Variants in PRMT9 observed in about 807,000 individuals in gnomAD.
The protein encoded by PRMT9 is protein arginine N-methyltransferase 9.
Under a neutral mutation model 83.2 loss-of-function variants are expected in PRMT9, and 59 were observed. That is an observed-to-expected ratio of 0.71 (90% CI 0.57 to 0.88). PRMT9 has a LOEUF of 0.88. PRMT9 is among the 40% of genes least tolerant of loss of function. The pLI, the probability that PRMT9 is intolerant of heterozygous loss-of-function variation, is 0.00. For missense variants in PRMT9, 947 were observed against 1,021.9 expected (o/e 0.93, Z 1.00); for synonymous variants, 333 against 353.2 (o/e 0.94, Z 0.64).
At chr4:147,675,734 C>T (rs1431119695) in intron 2 of PRMT9, among the ~76,000 whole-genome samples, 1 of 152,112 alleles carries the variant, frequency 6.6e-6, no homozygotes, top group Non-Finnish European at 1.5e-5. Context: ...TATGATACAA[C>T]GTATCAGTGA....
intron 7 of PRMT9, 132 bp from the exon 8 acceptor site, chr4:147,658,107 C>T: frequency 1.5e-6 from 1 of 656,984 alleles, no homozygotes; most frequent in Non-Finnish European, 2.7e-6. Flanking sequence ...TCTTGGCACA[C>T]CTATAACCAT....
chr4:147,664,532 T>C (rs1026152425), intron 6 of PRMT9, among the ~76,000 whole-genome samples: 1 of 152,196 alleles, frequency 6.6e-6, no homozygotes, highest in African/African-American at 2.4e-5. Flanking sequence ...GATGTGGTAC[T>C]ATATAAGCAA....
Position 147,642,856 on chromosome 4 carries a change from C to T in PRMT9, c.2130G>A (p.Glu710=), listed in dbSNP as rs373386885. Residue 710 remains glutamate (E), a synonymous_variant, in exon 10 of 12, where the codon GAG becomes GAA. Coordinates refer to ENST00000322396, the MANE Select transcript of PRMT9 (RefSeq NM_138364.4). Reference sequence around the variant, plus strand: ...GTTCTGTTCCTTGAACAGCATTCTCCTCTAGGAGTGTCTGTGATTCCACAA... The same window carrying T: ...GTTCTGTTCCTTGAACAGCATTCTCTTCTAGGAGTGTCTGTGATTCCACAA... The part of the protein sequence containing the change: ...GLLVESQTLL[E]ENAVQGTERT... The T allele has an allele frequency of 1.5e-5, 24 of 1,613,630 alleles. No individual in the cohort carries two copies. Among genetic ancestry groups the T allele is most frequent in the Non-Finnish European group, 1.9e-5 (23 of 1,179,632 alleles).
chr4:147,657,853 G>A lies in PRMT9; in HGVS notation c.1269C>T (p.Ser423=). The change falls in exon 8 of 12, where the codon TCC becomes TCT. Residue 423 remains serine (S), a synonymous_variant. Coordinates refer to ENST00000322396, the MANE Select transcript of PRMT9 (RefSeq NM_138364.4). Reference sequence around the variant, plus strand: ...AACATGTTTCCTCACTAGGACTTGTGGATAAACTATGTTCATCATCAAGCT... The same window carrying A: ...AACATGTTTCCTCACTAGGACTTGTAGATAAACTATGTTCATCATCAAGCT... ...VLQLDDEHSL[S]TSPSEETCWE... 2 of 1,609,928 alleles carry A rather than the reference G, an allele frequency of 1.2e-6. No homozygotes were observed. Among genetic ancestry groups the A allele is most frequent in the South Asian group, 2.2e-5 (2 of 90,824 alleles).
chr4:147,677,207 A>G (rs756421528), intron 2 of PRMT9, among the ~76,000 whole-genome samples: 2 of 152,112 alleles, frequency 1.3e-5, no homozygotes, highest in Non-Finnish European at 2.9e-5. Flanking sequence ...CAGTGAAATT[A>G]GATGTATTAA....
intron 1 of PRMT9, among the ~76,000 whole-genome samples, chr4:147,681,135 C>G (rs576007690): frequency 2.6e-5 from 4 of 152,226 alleles, no homozygotes; most frequent in African/African-American, 9.6e-5. Flanking sequence ...AAGATTAAGA[C>G]ACCACTCAAC....
chr4:147,668,746 C>A, intron 5 of PRMT9, 101 bp from the exon 6 acceptor site: 2 of 771,580 alleles, frequency 2.6e-6, no homozygotes, highest in Non-Finnish European at 4.4e-6. Context: ...CCTAAAAAGA[C>A]AATAAGTAAG....
chr4:147,639,972 T>C (rs1733272139), intron 10 of PRMT9, among the ~76,000 whole-genome samples: 1 of 149,416 alleles, frequency 6.7e-6, no homozygotes, highest in Admixed American at 6.7e-5. Context: ...TCACCTCTTA[T>C]CACCTGCCTC....
At chr4:147,681,085 T>C (rs1292675818) in intron 1 of PRMT9, among the ~76,000 whole-genome samples, 1 of 152,200 alleles carries the variant, frequency 6.6e-6, no homozygotes, top group Non-Finnish European at 1.5e-5. Context: ...GTTCAAAATG[T>C]TCTACACTGA....
chr4:147,638,156 C>G lies in PRMT9; in HGVS notation c.*376G>C, dbSNP rs1322730139. 1 of 262,274 alleles carries G rather than the reference C, an allele frequency of 3.8e-6. No homozygotes were observed. The highest frequency in any genetic ancestry group is 7.4e-6 in the Non-Finnish European group (1 of 135,156). 16.2% of individuals were successfully genotyped at this position (262,274 alleles called of 1,614,324 possible). On this transcript the variant is annotated 3_prime_UTR_variant, in exon 12 of 12. Coordinates refer to ENST00000322396, the MANE Select transcript of PRMT9 (RefSeq NM_138364.4). Reference sequence around the variant, plus strand: ...CATAACCCTCAGTCTTCAGTGGAAGCCTTTCAGTGTTTCCCAATTACAAGT... The same window carrying G: ...CATAACCCTCAGTCTTCAGTGGAAGGCTTTCAGTGTTTCCCAATTACAAGT...
intron 10 of PRMT9, among the ~76,000 whole-genome samples, chr4:147,640,919 C>T (rs1578871955): frequency 6.6e-6 from 1 of 152,154 alleles, no homozygotes; most frequent in Non-Finnish European, 1.5e-5. Context: ...CACTTTGTTG[C>T]CCAGGCTGGT....
At chr4:147,676,118 T>C (rs1197276856) in intron 2 of PRMT9, among the ~76,000 whole-genome samples, 1 of 152,220 alleles carries the variant, frequency 6.6e-6, no homozygotes, top group African/African-American at 2.4e-5. Context: ...TTTTGCTTAG[T>C]TACATCTCCC....
In PRMT9 at chr4:147,653,931, A is replaced by G; in HGVS notation, c.1966T>C (p.Trp656Arg). ...MLQRPKSDKL[W>R]SIIILDVIEP... ...ATGACATCCAATATAATTATGCTCC[A>G]TAACTTGTCTGATTTTGGCCTTTGT... Residue 656 changes from tryptophan (W) to arginine (R), a missense_variant, in exon 9 of 12, where the codon TGG becomes CGG. Coordinates refer to ENST00000322396, the MANE Select transcript of PRMT9 (RefSeq NM_138364.4). 4 of 1,614,224 alleles carry G rather than the reference A, an allele frequency of 2.5e-6. No individual in the cohort carries two copies. The highest frequency in any genetic ancestry group is 3.4e-6 in the Non-Finnish European group (4 of 1,180,038).
In PRMT9 at chr4:147,684,146, G is replaced by A. The variant is rs1423897097; in HGVS notation, c.-159C>T. ...GAACTCGCCAACCCCAGCCCAGGCG[G>A]AAGCTCCGCCCCGTCCTGGCCCCGC... On this transcript the variant is annotated 5_prime_UTR_variant, in exon 1 of 12. Transcript: ENST00000322396. 1 of 857,132 alleles carries A rather than the reference G, an allele frequency of 1.2e-6. No individual in the cohort carries two copies. Among genetic ancestry groups the A allele is most frequent in the Admixed American group, 2.1e-5 (1 of 48,060 alleles). 53.1% of individuals were successfully genotyped at this position (857,132 alleles called of 1,614,324 possible).
chr4:147,666,835 A>G (rs1054586085), intron 6 of PRMT9, among the ~76,000 whole-genome samples: 63 of 151,874 alleles, frequency 4.1e-4, no homozygotes, highest in African/African-American at 1.1e-3. Context: ...AAAAAAAAAA[A>G]AAAAAAAAAA....
At position 147,668,553 on chromosome 4, in the gene PRMT9, T is replaced by C. The variant is rs1285401721; in HGVS notation, c.939A>G (p.Ile313Met). The part of the protein sequence containing the change: ...IFGMAVECAE[I>M]RRHHRVGIKD... ...AATACACTTACCTATGATGTCTTCT[T>C]ATCTCTGCACATTCTACTGCCATCC... Residue 313 changes from isoleucine (I) to methionine (M), a missense_variant, in exon 6 of 12, where the codon ATA (isoleucine) becomes ATG (methionine). Transcript: ENST00000322396. 1.3e-6 allele frequency: 2 copies of C among 1,596,862 alleles called. No individual in the cohort carries two copies. The highest frequency in any genetic ancestry group is 1.1e-5 in the South Asian group (1 of 90,764).
chr4:147,672,153 A>G, intron 4 of PRMT9: 1 of 258,728 alleles, frequency 3.9e-6, no homozygotes. Context: ...CATTAATCTA[A>G]TAGGAATTTT....
Position 147,684,077 on chromosome 4 carries a change from ACTG to A in PRMT9, c.-93_-91del. ...ATGCTACACTTCCAGGGACCAGACA[ACTG>A]CTCAAAAAACAGCACAGCAAAGTTA... On this transcript the variant is annotated 5_prime_UTR_variant, in exon 1 of 12. Coordinates refer to ENST00000322396, the MANE Select transcript of PRMT9 (RefSeq NM_138364.4). The A allele has an allele frequency of 7.2e-7, 1 of 1,394,226 alleles. No individual in the cohort carries two copies. The highest frequency in any genetic ancestry group is 1.2e-5 in the South Asian group (1 of 81,726). 86.4% of individuals were successfully genotyped at this position (1,394,226 alleles called of 1,614,324 possible).
At chr4:147,673,911 A>C in intron 2 of PRMT9, 37 bp from the exon 3 acceptor site, 1 of 1,497,956 alleles carries the variant, frequency 6.7e-7, no homozygotes, top group Non-Finnish European at 9.3e-7. Flanking sequence ...AATATATTCA[A>C]CTATATGCTA....
Sources: allele counts gnomAD v4.1 joint callset (sites outside exome capture counted in the v4.1 genomes callset), GRCh38; gene constraint gnomAD v4.1.1; transcripts MANE v1.5; gene names NCBI Gene and HGNC (gene_info 2026-07-23, HGNC 2026-07-21).